The following ERBB4 variants were observed in gnomAD, a reference collection of about 807,000 sequenced individuals.
ERBB4 encodes the protein receptor tyrosine-protein kinase erbB-4.
In ERBB4, 42 loss-of-function variants were observed where a neutral mutation model predicts 158.0. The ratio of observed to expected loss-of-function variants is 0.27; its 90% CI spans 0.21 to 0.34. The LOEUF (loss-of-function observed/expected upper bound fraction) is 0.34, where lower values mean the gene tolerates loss of function less well. Ranked by LOEUF, ERBB4 falls within the 10% of genes least tolerant of loss-of-function variation. The pLI is 1.00. For synonymous variants in ERBB4, 583 were observed against 558.7 expected (o/e 1.04, Z -0.61); for missense variants, 1,333 against 1,624.1 (o/e 0.82, Z 3.08).
At chr2:212,445,938 T>C (rs541506599) in intron 1 of ERBB4, among the ~76,000 whole-genome samples, 1 of 152,374 alleles carries the variant, frequency 6.6e-6, no homozygotes, top group South Asian at 2.1e-4. Flanking sequence ...TGTTTGTGTA[T>C]GTATACACTT....
intron 1 of ERBB4, among the ~76,000 whole-genome samples, chr2:212,268,802 C>G (rs1289902129): frequency 6.6e-6 from 1 of 151,764 alleles, no homozygotes; most frequent in Non-Finnish European, 1.5e-5. Flanking sequence ...CTGCTCTAGT[C>G]TCATGAACTA....
chr2:212,538,601 G>T lies in ERBB4; in HGVS notation c.-71C>A. 1.3e-6 allele frequency: 2 copies of T among 1,482,230 alleles called. No homozygotes were observed. Among genetic ancestry groups the T allele is most frequent in the Non-Finnish European group, 1.9e-6 (2 of 1,060,660 alleles). The allele number at this position is 1,482,230 out of a possible 1,614,324, so 91.8% of individuals were successfully genotyped here. The stretch of plus-strand genomic sequence containing the variant: ...GGCATATCCCCCTTTCGGGCACGCG[G>T]AGGAGATCCCCCAGCCGGGCGCGCG... On this transcript the variant is annotated 5_prime_UTR_variant, in exon 1 of 28. Transcript: ENST00000342788.
At chr2:211,702,212 G>C (rs771942379) in intron 11 of ERBB4, 46 bp from the exon 12 acceptor site, 6 of 1,419,478 alleles carry the variant, frequency 4.2e-6, no homozygotes, top group South Asian at 2.3e-5. Flanking sequence ...ACGCATTCCG[G>C]AGTAAAATAA....
intron 1 of ERBB4, among the ~76,000 whole-genome samples, chr2:212,520,599 T>C (rs940444723): frequency 2.0e-5 from 3 of 151,920 alleles, no homozygotes; most frequent in African/African-American, 7.2e-5. Context: ...TTTCTACCTA[T>C]CTCTCAGTCT....
chr2:211,839,147 G>C (rs1210675173), intron 3 of ERBB4, among the ~76,000 whole-genome samples: 3 of 107,636 alleles, frequency 2.8e-5, no homozygotes, highest in Admixed American at 1.1e-4. Flanking sequence ...GAGAGGGAGA[G>C]AGAGAAGGAG....
chr2:212,033,070 C>T (rs1046106199), intron 2 of ERBB4, among the ~76,000 whole-genome samples: 3 of 151,776 alleles, frequency 2.0e-5, no homozygotes, highest in African/African-American at 7.3e-5. Context: ...TTTGGTGGCC[C>T]TATTAACACA....
chr2:212,389,173 C>T (rs1288255256), intron 1 of ERBB4, among the ~76,000 whole-genome samples: 1 of 152,072 alleles, frequency 6.6e-6, no homozygotes, highest in African/African-American at 2.4e-5. Context: ...ACCCCTCTTA[C>T]ATTTTGGTAA....
At chr2:212,389,889 A>G (rs1326885601) in intron 1 of ERBB4, among the ~76,000 whole-genome samples, 1 of 151,884 alleles carries the variant, frequency 6.6e-6, no homozygotes, top group African/African-American at 2.4e-5. Context: ...ATGGTATAAT[A>G]ACTCATGTGC....
chr2:211,426,112 TAATAG>T (rs2063620702), intron 22 of ERBB4, among the ~76,000 whole-genome samples: 3 of 33,112 alleles, frequency 9.1e-5, no homozygotes, highest in Admixed American at 7.8e-4. Flanking sequence ...TAAATCAAAA[TAATAG>T]AAAATATAAA....
intron 1 of ERBB4, among the ~76,000 whole-genome samples, chr2:212,190,835 G>T (rs1171811984): frequency 6.6e-6 from 1 of 151,900 alleles, no homozygotes; most frequent in Non-Finnish European, 1.5e-5. Flanking sequence ...TATTATTTTA[G>T]GAATTAATAA....
chr2:211,805,020 A>T (rs2076585214), intron 3 of ERBB4, among the ~76,000 whole-genome samples: 1 of 151,904 alleles, frequency 6.6e-6, no homozygotes, highest in Non-Finnish European at 1.5e-5. Context: ...CAAAGGTTCA[A>T]GTGATTCTTC....
At chr2:211,446,079 G>A (rs1053640417) in intron 20 of ERBB4, among the ~76,000 whole-genome samples, 2 of 152,156 alleles carry the variant, frequency 1.3e-5, no homozygotes, top group Non-Finnish European at 2.9e-5. Context: ...GGTAAATTGC[G>A]AAGCACTAAC....
rs1012979854 is a variant in ERBB4 at position 211,379,560 on chromosome 2, C to T, written c.*4055G>A. 4.3e-6 allele frequency: 1 copy of T among 230,776 alleles called. No homozygotes were observed. The highest frequency in any genetic ancestry group is 6.2e-5 in the East Asian group (1 of 16,212). The allele number at this position is 230,776 out of a possible 1,614,324, so 14.3% of individuals were successfully genotyped here. On this transcript the variant is annotated 3_prime_UTR_variant, in exon 28 of 28. Coordinates refer to ENST00000342788, the MANE Select transcript of ERBB4 (RefSeq NM_005235.3). ...AAAATCCATCCTACATTTTTATATCCTGCATTTAACTTTGTTACATTATAC... is the reference window on the plus strand; with the variant it reads ...AAAATCCATCCTACATTTTTATATCTTGCATTTAACTTTGTTACATTATAC...
chr2:211,388,159 AT>A (rs1483058664), intron 25 of ERBB4, among the ~76,000 whole-genome samples, 167 bp from the exon 26 acceptor site: 1 of 152,230 alleles, frequency 6.6e-6, no homozygotes, highest in East Asian at 1.9e-4. Flanking sequence ...CATTCTGACC[AT>A]AAGCAAGCTT....
intron 20 of ERBB4, among the ~76,000 whole-genome samples, chr2:211,457,262 GT>G (rs1363262433): frequency 6.6e-6 from 1 of 152,128 alleles, no homozygotes; most frequent in African/African-American, 2.4e-5. Flanking sequence ...AGATTAAATG[GT>G]TTGAAATTAT....
At chr2:211,532,468 C>G (rs2066526980) in intron 20 of ERBB4, among the ~76,000 whole-genome samples, 1 of 151,790 alleles carries the variant, frequency 6.6e-6, no homozygotes, top group South Asian at 2.1e-4. Context: ...GAGCACTGAA[C>G]TTTATAATTT....
At chr2:211,431,125 G>A (rs1322435183) in intron 20 of ERBB4, 25 bp from the exon 21 acceptor site, 7 of 1,608,202 alleles carry the variant, frequency 4.4e-6, no homozygotes, top group East Asian at 2.2e-5. Flanking sequence ...GTTCCTTAAT[G>A]ATATTCAGTT....
chr2:211,999,070 C>G (rs533115276), intron 2 of ERBB4, among the ~76,000 whole-genome samples: 3 of 151,660 alleles, frequency 2.0e-5, no homozygotes, highest in African/African-American at 7.2e-5. Context: ...GAACATGTCT[C>G]TCAATAAAGG....
intron 15 of ERBB4, chr2:211,658,035 A>T: frequency 6.8e-7 from 1 of 1,469,924 alleles, no homozygotes; most frequent in Admixed American, 1.7e-5. Flanking sequence ...AGGGGAAAAA[A>T]TTAGTCATTT....
Sources: gnomAD v4.1 joint callset for allele counts (sites outside exome capture counted in the v4.1 genomes callset) on GRCh38, gnomAD v4.1.1 for gene constraint, MANE v1.5 for transcripts, NCBI Gene and HGNC (gene_info 2026-07-23, HGNC 2026-07-21) for gene names.